The following CEP250 variants were observed in gnomAD, a reference collection of about 807,000 sequenced individuals.
CEP250 encodes centrosome-associated protein CEP250.
In CEP250, 242 loss-of-function variants were observed where a neutral mutation model predicts 315.7. That is an observed-to-expected ratio of 0.77 (90% CI 0.69 to 0.85). The LOEUF is 0.85. Among genes scored for constraint, CEP250 ranks in the 40% least tolerant of loss-of-function variants. The probability of loss-of-function intolerance (pLI) is 0.00; values close to 1 mark genes in which losing one functional copy is unlikely to be tolerated. For missense variants in CEP250, 2,515 were observed against 2,886.4 expected (o/e 0.87, Z 2.95); for synonymous variants, 1,088 against 1,175.0 (o/e 0.93, Z 1.51).
At chr20:35,510,464 C>CCA (rs1247636023) in intron 34 of CEP250, among the ~76,000 whole-genome samples, 1 of 152,186 alleles carries the variant, frequency 6.6e-6, no homozygotes, top group East Asian at 1.9e-4. Flanking sequence ...AAGCTCCAGG[C>CCA]CACACAGCTC....
At chr20:35,484,614 A>AT (rs11359713) in intron 20 of CEP250, among the ~76,000 whole-genome samples, 31 of 144,876 alleles carry the variant, frequency 2.1e-4, no homozygotes, top group South Asian at 6.6e-4. Context: ...AGAGATAGGC[A>AT]TTTTTTTTTT....
At chr20:35,468,551 A>G (rs1384362632) in intron 9 of CEP250, among the ~76,000 whole-genome samples, 1 of 152,200 alleles carries the variant, frequency 6.6e-6, no homozygotes, top group East Asian at 1.9e-4. Flanking sequence ...CATAAAATGC[A>G]GGGCTATTTT....
intron 5 of CEP250, among the ~76,000 whole-genome samples, chr20:35,464,673 A>G (rs528094610): frequency 1.8e-3 from 268 of 152,328 alleles, no homozygotes; most frequent in African/African-American, 6.2e-3. Flanking sequence ...CTGTAATCCC[A>G]GCACTTTGGG....
Position 35,504,176 on chromosome 20 carries a change from A to G in CEP250, c.5807A>G (p.Lys1936Arg). 6.2e-7 allele frequency: 1 copy of G among 1,613,894 alleles called. No individual in the cohort carries two copies. The highest frequency in any genetic ancestry group is 2.2e-5 in the East Asian group (1 of 44,886). The stretch of plus-strand genomic sequence containing the variant: ...TGGCTGCAGGCCCAGGCAGTGCTCA[A>G]GGAACGGGACCAGGAGCTGGAAGCT... Reference protein sequence around the residue: ...DSWLQAQAVLKERDQELEALR... With the variant: ...DSWLQAQAVLRERDQELEALR... The change falls in exon 30 of 35, where the codon AAG (lysine) becomes AGG (arginine). Residue 1936 changes from lysine to arginine, a missense_variant. Lys to Arg is a conservative substitution (Grantham distance 26, BLOSUM62 2). Coordinates refer to ENST00000397527, the MANE Select transcript of CEP250 (RefSeq NM_007186.6).
rs1382731258 is a variant in CEP250 at position 35,502,469 on chromosome 20, C to T, written c.4100C>T (p.Ala1367Val). The change falls in exon 30 of 35, where the codon GCC becomes GTC. Residue 1367 changes from alanine (A) to valine (V), a missense_variant. Physicochemically the swap from Ala to Val is moderately conservative, Grantham distance 64. Coordinates refer to ENST00000397527, the MANE Select transcript of CEP250 (RefSeq NM_007186.6). ...CACCTGCAAGCAGCTGTCGTAGAAG[C>T]CAGGGCTCAGGCAAGTGCTGCTGGC... ...VEHLQAAVVE[A>V]RAQASAAGIL... The T allele has an allele frequency of 1.9e-6, 3 of 1,614,148 alleles. No homozygotes were observed. The highest frequency in any genetic ancestry group is 2.2e-5 in the South Asian group (2 of 91,074).
At chr20:35,469,049 T>C (rs561423589) in intron 9 of CEP250, among the ~76,000 whole-genome samples, 16 of 152,248 alleles carry the variant, frequency 1.1e-4, no homozygotes, top group Admixed American at 4.6e-4. Context: ...AGAGATGGTA[T>C]AGAATAAAAT....
chr20:35,485,822 GT>G (rs538827494), intron 20 of CEP250, among the ~76,000 whole-genome samples: 32,931 of 115,392 alleles, frequency 0.29, 5,027 homozygotes, highest in African/African-American at 0.47. Context: ...GCCTGGCTAA[GT>G]TTTTTTTTTT....
At chr20:35,475,668 C>T (rs776359690) in intron 15 of CEP250, 22 bp downstream of exon 15, 12 of 1,610,518 alleles carry the variant, frequency 7.5e-6, no homozygotes, top group Non-Finnish European at 1.0e-5. Flanking sequence ...CCTCTCCTCA[C>T]TTGCTGGGTG....
chr20:35,511,524 A>C lies in CEP250; in HGVS notation c.7227A>C (p.Ala2409=). The C allele has an allele frequency of 1.9e-6, 3 of 1,614,130 alleles. No homozygotes were observed. Among genetic ancestry groups the C allele is most frequent in the Non-Finnish European group, 2.5e-6 (3 of 1,180,012 alleles). The change falls in exon 35 of 35, where the codon GCA becomes GCC. Residue 2409 remains alanine (A), a synonymous_variant. Coordinates refer to ENST00000397527, the MANE Select transcript of CEP250 (RefSeq NM_007186.6). ...AQAPEATVLE[A]ETRRLDESLT... ...CCCCTGAGGCCACTGTCCTGGAGGC[A>C]GAGACCCGCAGGCTGGATGAGTCCC... is the stretch of plus-strand genomic sequence containing the variant.
chr20:35,501,629 A>G (rs1027859637), intron 28 of CEP250, among the ~76,000 whole-genome samples: 2 of 152,176 alleles, frequency 1.3e-5, no homozygotes, highest in Non-Finnish European at 2.9e-5. Flanking sequence ...TGGGGCTGGC[A>G]GCAGCAGGGA....
intron 2 of CEP250, among the ~76,000 whole-genome samples, chr20:35,458,861 TACA>T (rs1389643991): frequency 6.6e-6 from 1 of 152,026 alleles, no homozygotes; most frequent in East Asian, 1.9e-4. Context: ...AACTATTTTT[TACA>T]ACAATTTTAG....
In CEP250 at chr20:35,472,778, A is replaced by G. The variant is rs1235988959; in HGVS notation, c.1156A>G (p.Lys386Glu). 1 of 1,614,046 alleles carries G rather than the reference A, an allele frequency of 6.2e-7. No homozygotes were observed. The highest frequency in any genetic ancestry group is 2.2e-5 in the East Asian group (1 of 44,890). Residue 386 changes from lysine (K) to glutamate (E), a missense_variant, in exon 12 of 35, where the codon AAG becomes GAG. Coordinates refer to ENST00000397527, the MANE Select transcript of CEP250 (RefSeq NM_007186.6). Reference sequence around the variant, plus strand: ...CCAGTTTGATTACCAGGATGCAGACAAGGCTCTTACTCTGGTGCGTTCAGT... The same window carrying G: ...CCAGTTTGATTACCAGGATGCAGACGAGGCTCTTACTCTGGTGCGTTCAGT... ...FSQFDYQDAD[K>E]ALTLVRSVLT...
intron 20 of CEP250, among the ~76,000 whole-genome samples, chr20:35,489,494 A>G (rs2063622520): frequency 6.6e-6 from 1 of 152,208 alleles, no homozygotes; most frequent in East Asian, 1.9e-4. Context: ...GGAGAATGAC[A>G]CTGTTGTTAT....
At chr20:35,463,684 T>C in intron 5 of CEP250, 53 bp downstream of exon 5, 8 of 1,467,630 alleles carry the variant, frequency 5.5e-6, no homozygotes, top group Non-Finnish European at 7.4e-6. Flanking sequence ...AATATACTTG[T>C]TAGGTTTCAT....
intron 5 of CEP250, among the ~76,000 whole-genome samples, chr20:35,464,202 T>C (rs182643712): frequency 6.6e-6 from 1 of 152,348 alleles, no homozygotes; most frequent in East Asian, 1.9e-4. Context: ...ATGTGAAAGC[T>C]ATATGCATTC....
At position 35,507,639 on chromosome 20, in the gene CEP250, G is replaced by A. The variant is rs772829665; in HGVS notation, c.6637-99G>A. The A allele has an allele frequency of 3.3e-5, 30 of 899,296 alleles. No individual in the cohort carries two copies. The Admixed American group carries it at 4.5e-4, about 14-fold the overall frequency. 55.7% of individuals were successfully genotyped at this position (899,296 alleles called of 1,614,324 possible). ...AGCCTCTAGGAAAAATAAGACAAAA[G>A]CCTGAGGAGAACATTGAACCGCTGT... On this transcript the variant is annotated intron_variant, in intron 30 of 34. Transcript: ENST00000397527.
chr20:35,459,836 T>A (rs1218005429), intron 2 of CEP250, 147 bp from the exon 3 acceptor site: 1 of 152,106 alleles, frequency 6.6e-6, no homozygotes, highest in African/African-American at 2.4e-5. Context: ...CCTAATGTTT[T>A]GGGATAGGGA....
rs2063880814 is a variant in CEP250 at position 35,497,733 on chromosome 20, G to A, written c.3321G>A (p.Arg1107=). ...KELSAQMELL[R]QEVKEKEADF... is the part of the protein sequence containing the mutation. The stretch of plus-strand genomic sequence containing the variant: ...TTCCTTGACAGATGGAATTACTAAG[G>A]CAAGAGGTGAAGGAAAAGGAGGCTG... Residue 1107 remains arginine (R), a synonymous_variant, in exon 26 of 35, where the codon AGG becomes AGA. Transcript: ENST00000397527. The A allele has an allele frequency of 1.7e-5, 26 of 1,553,442 alleles. No individual in the cohort carries two copies. The South Asian group carries it at 3.1e-4, about 18-fold the overall frequency.
intron 2 of CEP250, among the ~76,000 whole-genome samples, chr20:35,458,687 A>G (rs190954503): frequency 8.5e-4 from 130 of 152,298 alleles, no homozygotes; most frequent in African/African-American, 2.9e-3. Context: ...TGTGTTTGTA[A>G]AAGGATGCTG....
Sources: allele counts gnomAD v4.1 joint callset (sites outside exome capture counted in the v4.1 genomes callset), GRCh38; gene constraint gnomAD v4.1.1; transcripts MANE v1.5; gene names NCBI Gene and HGNC (gene_info 2026-07-23, HGNC 2026-07-21).